The following ASH1L variants were observed in gnomAD, a reference collection of about 807,000 sequenced individuals.
ASH1L encodes the protein ASH1 like histone lysine methyltransferase.
Under a neutral mutation model 269.0 loss-of-function variants are expected in ASH1L, and 23 were observed. That is an observed-to-expected ratio of 0.09 (90% CI 0.06 to 0.12). The LOEUF (loss-of-function observed/expected upper bound fraction) is 0.12, where lower values mean the gene tolerates loss of function less well. Ranked by LOEUF, ASH1L falls within the 10% of genes least tolerant of loss-of-function variation. ASH1L has a pLI of 1.00. For synonymous variants in ASH1L, 1,187 were observed against 1,253.5 expected, an observed-to-expected ratio of 0.95 and a Z score of 1.12; for missense variants, 2,912 against 3,567.8, an observed-to-expected ratio of 0.82 and a Z score of 4.68.
intron 1 of ASH1L, among the ~76,000 whole-genome samples, chr1:155,527,691 G>C (rs1669360828): frequency 6.6e-6 from 1 of 151,868 alleles, no homozygotes; most frequent in African/African-American, 2.4e-5. Context: ...TAGAAATACA[G>C]GCATGTGCCA....
In ASH1L at chr1:155,349,707, G is replaced by GTTTTTTTTT. The variant is rs1653698747; in HGVS notation, c.7367-112_7367-111insAAAAAAAAA. 7.1e-6 allele frequency: 3 copies of GTTTTTTTTT among 421,364 alleles called. No individual in the cohort carries two copies. The African/African-American group carries it at 7.2e-5, about 10-fold the overall frequency. The allele number at this position is 421,364 out of a possible 1,614,324, so 26.1% of individuals were successfully genotyped here. A position where few individuals can be genotyped will look rare whatever the true frequency, so the allele number is the denominator to read the frequency against. On this transcript the variant is annotated intron_variant, in intron 17 of 27. Coordinates refer to ENST00000392403, the MANE Select transcript of ASH1L (RefSeq NM_018489.3). Reference sequence around the variant, plus strand: ...AATTAAAAGTGAGAGAAAAATCCAAGTCTTTTTTTTTTTTTTTTTTTTTTT... The same window carrying GTTTTTTTTT: ...AATTAAAAGTGAGAGAAAAATCCAAGTTTTTTTTTTCTTTTTTTTTTTTTTTTTTTTTTT...
intron 6 of ASH1L, among the ~76,000 whole-genome samples, chr1:155,405,255 G>C (rs927244099): frequency 6.6e-5 from 10 of 151,652 alleles, no homozygotes; most frequent in Non-Finnish European, 1.2e-4. Context: ...CTGAGGGGGG[G>C]GCAGATCACT....
At chr1:155,388,221 A>G (rs1334490199) in intron 7 of ASH1L, among the ~76,000 whole-genome samples, 1 of 152,212 alleles carries the variant, frequency 6.6e-6, no homozygotes, top group Non-Finnish European at 1.5e-5. Context: ...CACTCTAACT[A>G]TAATTAAGAC....
At chr1:155,472,850 T>C (rs1365201415) in intron 3 of ASH1L, among the ~76,000 whole-genome samples, 3 of 152,184 alleles carry the variant, frequency 2.0e-5, no homozygotes, top group Non-Finnish European at 2.9e-5. Context: ...AAGAATCACA[T>C]GTGGGCCAAA....
intron 3 of ASH1L, among the ~76,000 whole-genome samples, chr1:155,461,383 T>TAC (rs1664291326): frequency 1.2e-5 from 1 of 84,556 alleles, no homozygotes; most frequent in Admixed American, 1.3e-4. Context: ...AGTAACACGT[T>TAC]AAATTTTTTT....
In ASH1L at chr1:155,378,354, C is replaced by T. The variant is rs1043079690; in HGVS notation, c.6259G>A (p.Glu2087Lys). The change falls in exon 10 of 28, where the codon GAA becomes AAA. Residue 2087 changes from glutamate (E) to lysine (K), a missense_variant. Physicochemically the swap from Glu to Lys is moderately conservative, Grantham distance 56. Coordinates refer to ENST00000392403, the MANE Select transcript of ASH1L (RefSeq NM_018489.3). ...TTCTTACAGTTACAGGTGGTAGCTT[C>T]GTAACCAGAAAGGGGTTTGACATCA... ...YVDVKPLSGY[E>K]ATTCNCKKPD... 8 of 1,614,088 alleles carry T rather than the reference C, an allele frequency of 5.0e-6. No individual in the cohort carries two copies. The highest frequency in any genetic ancestry group is 1.3e-5 in the African/African-American group (1 of 75,028).
In ASH1L at chr1:155,341,955, G is replaced by A; in HGVS notation, c.8441C>T (p.Thr2814Ile). 1 of 1,613,976 alleles carries A rather than the reference G, an allele frequency of 6.2e-7. No individual in the cohort carries two copies. Residue 2814 changes from threonine (T) to isoleucine (I), a missense_variant, in exon 25 of 28, where the codon ACT (threonine) becomes ATT (isoleucine). Physicochemically the swap from Thr to Ile is moderately conservative, Grantham distance 89 (BLOSUM62 -1). Around this residue, in one of 13 missense-constraint regions of ASH1L, gnomAD observed 179 missense variants for 293.8 expected, o/e 0.61. Transcript: ENST00000392403. Reference protein sequence around the residue: ...YAFDHFPKKLTPKKDFSPHYV... With the variant: ...YAFDHFPKKLIPKKDFSPHYV... The stretch of plus-strand genomic sequence containing the variant: ...ACTCACCGAGAAATCTTTTTTGGGA[G>A]TGAGCTTCTTGGGGAAGTGATCAAA...
In ASH1L at chr1:155,335,903, C is replaced by T. The variant is rs1420735881; in HGVS notation, c.*1757G>A. ...GCCCCTAGTCCCACCTCCCTCCCAC[C>T]CACTCCCTGCAATGAAAAACAAAAG... is the stretch of plus-strand genomic sequence containing the variant. On this transcript the variant is annotated 3_prime_UTR_variant, in exon 28 of 28. Transcript: ENST00000392403. 16 of 152,566 alleles carry T rather than the reference C, an allele frequency of 1.0e-4. No homozygotes were observed. The highest frequency in any genetic ancestry group is 9.2e-4 in the Admixed American group (14 of 15,242). 9.5% of individuals were successfully genotyped at this position (152,566 alleles called of 1,614,324 possible). A position where few individuals can be genotyped will look rare whatever the true frequency, so the allele number is the denominator to read the frequency against.
chr1:155,449,489 C>T (rs78406270), intron 4 of ASH1L, among the ~76,000 whole-genome samples: 5 of 151,368 alleles, frequency 3.3e-5, no homozygotes, highest in South Asian at 2.1e-4. Flanking sequence ...TAATTCCACA[C>T]GCACTTCAAA....
chr1:155,358,515 C>T (rs1050152196), intron 13 of ASH1L, among the ~76,000 whole-genome samples: 4 of 151,828 alleles, frequency 2.6e-5, no homozygotes, highest in Non-Finnish European at 5.9e-5. Flanking sequence ...AAAACCCAGT[C>T]TCTACTAAAA....
intron 4 of ASH1L, among the ~76,000 whole-genome samples, chr1:155,452,956 T>C (rs1325394198): frequency 6.6e-6 from 1 of 152,212 alleles, no homozygotes; most frequent in Non-Finnish European, 1.5e-5. Flanking sequence ...ACCTTAGGAA[T>C]TTTTCATATA....
intron 6 of ASH1L, among the ~76,000 whole-genome samples, chr1:155,411,437 T>C (rs891173381): frequency 2.6e-5 from 4 of 151,152 alleles, no homozygotes; most frequent in East Asian, 1.9e-4. Context: ...ACTGATACGG[T>C]TGTATAATTT....
At chr1:155,445,836 T>C (rs1662971813) in intron 4 of ASH1L, among the ~76,000 whole-genome samples, 1 of 152,098 alleles carries the variant, frequency 6.6e-6, no homozygotes, top group Non-Finnish European at 1.5e-5. Flanking sequence ...TGTGATTTAA[T>C]TTTAATTTTA....
At chr1:155,404,853 C>T (rs976192935) in intron 6 of ASH1L, among the ~76,000 whole-genome samples, 1 of 151,792 alleles carries the variant, frequency 6.6e-6, no homozygotes, top group Non-Finnish European at 1.5e-5. Context: ...CACGGTGAAA[C>T]TCTTTCTCTA....
intron 3 of ASH1L, among the ~76,000 whole-genome samples, chr1:155,473,700 T>C (rs1425765396): frequency 6.6e-6 from 1 of 152,058 alleles, no homozygotes; most frequent in Non-Finnish European, 1.5e-5. Flanking sequence ...GGGAGGCTCC[T>C]ATGTTGCCCA....
chr1:155,434,503 TAAAAAAA>T (rs777553969), intron 5 of ASH1L, among the ~76,000 whole-genome samples: 27 of 70,230 alleles, frequency 3.8e-4, no homozygotes, highest in East Asian at 1.1e-3. Flanking sequence ...TGGGACACAG[TAAAAAAA>T]AAAAAAAAAA....
chr1:155,405,871 C>T (rs1659240136), intron 6 of ASH1L, among the ~76,000 whole-genome samples: 1 of 151,120 alleles, frequency 6.6e-6, no homozygotes, highest in Admixed American at 6.6e-5. Context: ...GAAAGACATC[C>T]CATATTCACA....
Position 155,562,207 on chromosome 1 carries a change from A to G in ASH1L, c.-154T>C. On this transcript the variant is annotated 5_prime_UTR_variant, in exon 1 of 28. Transcript: ENST00000392403. ...GCGATGAGAGTGCAGGGAAGTGGGG[A>G]AGAGGGGGTGGCCGCCAGGCTCCTC... The G allele has an allele frequency of 1.2e-6, 2 of 1,608,694 alleles. No individual in the cohort carries two copies. The highest frequency in any genetic ancestry group is 1.7e-6 in the Non-Finnish European group (2 of 1,175,734).
At chr1:155,428,454 T>A (rs9787192) in intron 5 of ASH1L, among the ~76,000 whole-genome samples, 29,301 of 110,690 alleles carry the variant, frequency 0.26, 3,988 homozygotes, top group East Asian at 0.71. Flanking sequence ...AAAAAAAAAA[T>A]ATATATATAT....
Sources: allele counts gnomAD v4.1 joint callset (sites outside exome capture counted in the v4.1 genomes callset), GRCh38; gene constraint gnomAD v4.1.1; regional missense constraint gnomAD v4.1.1; transcripts MANE v1.5; gene names NCBI Gene and HGNC (gene_info 2026-07-23, HGNC 2026-07-21).